The following GNG4 variants were observed in gnomAD, a reference collection of about 807,000 sequenced individuals.
GNG4 encodes guanine nucleotide-binding protein G(I)/G(S)/G(O) subunit gamma-4.
In GNG4, 4 loss-of-function variants were observed where a neutral mutation model predicts 5.8. The ratio of observed to expected loss-of-function variants is 0.69; its 90% CI spans 0.34 to 1.57. The LOEUF (loss-of-function observed/expected upper bound fraction) is 1.57, where lower values mean the gene tolerates loss of function less well. Among genes scored for constraint, GNG4 ranks in the 40% most tolerant of loss-of-function variants. GNG4 has a pLI of 0.06. For missense variants in GNG4, 96 were observed against 95.1 expected (o/e 1.01, Z -0.04); for synonymous variants, 29 against 32.9 (o/e 0.88, Z 0.41).
intron 1 of GNG4, among the ~76,000 whole-genome samples, chr1:235,605,475 C>T (rs539332496): frequency 5.2e-4 from 79 of 152,076 alleles, no homozygotes; most frequent in South Asian, 1.0e-3. Flanking sequence ...GTGCCTGGCC[C>T]GTGATTCCTG....
chr1:235,591,453 A>C (rs1053724914), intron 2 of GNG4, among the ~76,000 whole-genome samples: 2 of 152,220 alleles, frequency 1.3e-5, no homozygotes, highest in East Asian at 3.8e-4. Flanking sequence ...CATGCTTTGA[A>C]GATAGAGCCC....
intron 1 of GNG4, among the ~76,000 whole-genome samples, chr1:235,645,268 C>T (rs1045648842): frequency 8.5e-5 from 13 of 152,140 alleles, no homozygotes; most frequent in African/African-American, 3.1e-4. Flanking sequence ...TCAGCAGCCT[C>T]CCTGCCCTGC....
intron 3 of GNG4, among the ~76,000 whole-genome samples, chr1:235,552,840 C>T (rs1686789969): frequency 1.3e-5 from 2 of 152,190 alleles, no homozygotes; most frequent in Admixed American, 6.5e-5. Context: ...CCGCTCACTG[C>T]AACCTCCATC....
intron 3 of GNG4, among the ~76,000 whole-genome samples, chr1:235,557,908 GC>G (rs1014353906): frequency 1.2e-4 from 18 of 152,248 alleles, no homozygotes; most frequent in African/African-American, 4.1e-4. Flanking sequence ...TAATGGTCTG[GC>G]CTTGCCAGGT....
chr1:235,630,294 G>A (rs1283170372), intron 1 of GNG4, among the ~76,000 whole-genome samples: 2 of 152,176 alleles, frequency 1.3e-5, no homozygotes, highest in Non-Finnish European at 2.9e-5. Flanking sequence ...GACTATTTCA[G>A]AAAGGTCCCC....
chr1:235,629,031 T>C (rs1688883254), intron 1 of GNG4, among the ~76,000 whole-genome samples: 1 of 151,674 alleles, frequency 6.6e-6, no homozygotes, highest in Non-Finnish European at 1.5e-5. Flanking sequence ...GTTTGTTTGT[T>C]TTTAGAGATG....
At chr1:235,576,639 A>G (rs887870387) in intron 3 of GNG4, among the ~76,000 whole-genome samples, 2 of 152,186 alleles carry the variant, frequency 1.3e-5, no homozygotes, top group Non-Finnish European at 2.9e-5. Context: ...TTTGCAAAGA[A>G]CACACATCTT....
intron 1 of GNG4, among the ~76,000 whole-genome samples, chr1:235,628,988 C>T (rs1203478453): frequency 1.4e-5 from 2 of 142,572 alleles, no homozygotes; most frequent in Non-Finnish European, 3.0e-5. Context: ...CAAACATTTG[C>T]TTGAATTTTT....
chr1:235,615,679 C>T (rs1571914574), intron 1 of GNG4: 2 of 211,112 alleles, frequency 9.5e-6, no homozygotes, highest in Admixed American at 1.2e-4. Flanking sequence ...GTTTCTCAAA[C>T]AGGAAAATGA....
At chr1:235,637,236 T>C (rs1657129309) in intron 1 of GNG4, among the ~76,000 whole-genome samples, 1 of 151,932 alleles carries the variant, frequency 6.6e-6, no homozygotes, top group African/African-American at 2.4e-5. Context: ...ATATCGGGAG[T>C]AGTTTCAGGT....
chr1:235,630,374 T>C (rs1688907365), intron 1 of GNG4, among the ~76,000 whole-genome samples: 1 of 152,238 alleles, frequency 6.6e-6, no homozygotes, highest in South Asian at 2.1e-4. Context: ...TGTTTGCTGC[T>C]GAAAACAGCA....
Position 235,548,734 on chromosome 1 carries a change from G to T in GNG4, c.*3375C>A, listed in dbSNP as rs1237090936. The T allele has an allele frequency of 1.3e-5, 2 of 152,306 alleles. No individual in the cohort carries two copies. Among genetic ancestry groups the T allele is most frequent in the African/African-American group, 4.8e-5 (2 of 41,456 alleles). 9.4% of individuals were successfully genotyped at this position (152,306 alleles called of 1,614,324 possible). A position where few individuals can be genotyped will look rare whatever the true frequency, so the allele number is the denominator to read the frequency against. On this transcript the variant is annotated 3_prime_UTR_variant, in exon 4 of 4. Coordinates refer to ENST00000391854, the MANE Select transcript of GNG4 (RefSeq NM_001098722.2). ...GTCCCTGCTGTAGGAAGGGAGGGGAGATGCTGGACAGTTAAGCTGAAAACA... is the reference window on the plus strand; with the variant it reads ...GTCCCTGCTGTAGGAAGGGAGGGGATATGCTGGACAGTTAAGCTGAAAACA...
rs1657574009 is a variant in GNG4, at chr1:235,648,660, G to C, written c.-123+1002C>G. The stretch of plus-strand genomic sequence containing the variant: ...CGGCACACCTCACTCATGAGCAGAC[G>C]ACAGGACTGGCACGTTTTAATGGAG... On this transcript the variant is annotated intron_variant, in intron 1 of 3. Transcript: ENST00000391854. This position sits in a 1 kb window ranked among gnomAD's most constrained non-coding sequence, Gnocchi z 5.0. Among the ~76,000 whole-genome samples the C allele has an allele frequency of 6.6e-6, 1 of 152,344 alleles. No homozygotes were observed. The highest frequency in any genetic ancestry group is 1.9e-4 in the East Asian group (1 of 5,178).
intron 1 of GNG4, among the ~76,000 whole-genome samples, chr1:235,630,961 C>T (rs1048816131): frequency 6.6e-6 from 1 of 151,818 alleles, no homozygotes; most frequent in Non-Finnish European, 1.5e-5. Flanking sequence ...TGCCGTGGCA[C>T]GATCTCGGCT....
chr1:235,570,023 C>G lies in GNG4; in HGVS notation c.99+13717G>C, dbSNP rs577301302. On this transcript the variant is annotated intron_variant, in intron 3 of 3. Transcript: ENST00000391854. The stretch of plus-strand genomic sequence containing the variant: ...CTGTGTCGATCATTTCTCTCACACT[C>G]TTTTCTGGAATACGGCAAGCAGTTT... Among the ~76,000 whole-genome samples, 16 of 152,326 alleles carry G rather than the reference C, an allele frequency of 1.1e-4. No homozygotes were observed. The South Asian group carries it at 2.7e-3, about 26-fold the overall frequency.
At chr1:235,570,896 A>G (rs1448170013) in intron 3 of GNG4, among the ~76,000 whole-genome samples, 3 of 127,638 alleles carry the variant, frequency 2.4e-5, no homozygotes, top group Non-Finnish European at 3.2e-5. Context: ...GTATGTATAT[A>G]TGTGTGTGTG....
intron 2 of GNG4, among the ~76,000 whole-genome samples, chr1:235,586,982 C>T (rs1687773436): frequency 6.6e-6 from 1 of 152,168 alleles, no homozygotes; most frequent in Non-Finnish European, 1.5e-5. Context: ...CGCCCCTTGT[C>T]TTTGACTTGG....
intron 3 of GNG4, among the ~76,000 whole-genome samples, chr1:235,570,223 T>C (rs1216289454): frequency 6.6e-6 from 1 of 152,096 alleles, no homozygotes; most frequent in East Asian, 1.9e-4. Flanking sequence ...TGACACTCCA[T>C]CTGTTTCTTT....
chr1:235,550,012 A>G lies in GNG4; in HGVS notation c.*2097T>C, dbSNP rs1686698748. 6.6e-6 allele frequency: 1 copy of G among 152,250 alleles called. No individual in the cohort carries two copies. Among genetic ancestry groups the G allele is most frequent in the Non-Finnish European group, 1.5e-5 (1 of 68,052 alleles). 9.4% of individuals were successfully genotyped at this position (152,250 alleles called of 1,614,324 possible). On this transcript the variant is annotated 3_prime_UTR_variant, in exon 4 of 4. Coordinates refer to ENST00000391854, the MANE Select transcript of GNG4 (RefSeq NM_001098722.2). ...TTCAGGCACAAATGGCCTGTTCTCT[A>G]TCACACAGCAAGTCTCTTTCAGAAC...
Sources: gnomAD v4.1 joint callset for allele counts (sites outside exome capture counted in the v4.1 genomes callset) on GRCh38, gnomAD v4.1.1 for gene constraint, Gnocchi (gnomAD v3.1) non-coding constraint, MANE v1.5 for transcripts, NCBI Gene and HGNC (gene_info 2026-07-23, HGNC 2026-07-21) for gene names.